The following CPNE9 variants were observed in gnomAD, a reference collection of about 807,000 sequenced individuals.
CPNE9 encodes copine family member 9.
In CPNE9, 59 loss-of-function variants were observed where a neutral mutation model predicts 83.0. The observed-to-expected ratio is 0.71, with a 90% confidence interval of 0.58 to 0.88. The LOEUF (loss-of-function observed/expected upper bound fraction) is 0.88. CPNE9 is among the 40% of genes least tolerant of loss of function. CPNE9 has a pLI of 0.00. For synonymous variants in CPNE9, 256 were observed against 273.4 expected, an observed-to-expected ratio of 0.94 and a Z score of 0.63; for missense variants, 619 against 720.8, an observed-to-expected ratio of 0.86 and a Z score of 1.62.
At position 9,704,732 on chromosome 3, in the gene CPNE9, C is replaced by T; in HGVS notation, c.110-17C>T. On this transcript the variant is annotated splice_polypyrimidine_tract_variant and intron_variant, in intron 2 of 20. Transcript: ENST00000383832. This position sits in a 1 kb window ranked among gnomAD's most constrained non-coding sequence, Gnocchi z 7.1. Reference sequence around the variant, plus strand: ...GGAGCCGACCTGACGTCCTTCCCTCCCCGCCCCCACCTGCAGTGGTGGTGC... The same window carrying T: ...GGAGCCGACCTGACGTCCTTCCCTCTCCGCCCCCACCTGCAGTGGTGGTGC... 1 of 1,612,548 alleles carries T rather than the reference C, an allele frequency of 6.2e-7. No individual in the cohort carries two copies. The highest frequency in any genetic ancestry group is 8.5e-7 in the Non-Finnish European group (1 of 1,179,656).
At chr3:9,708,857 A>G (rs1313124007) in intron 7 of CPNE9, among the ~76,000 whole-genome samples, 1 of 151,510 alleles carries the variant, frequency 6.6e-6, no homozygotes, top group Non-Finnish European at 1.5e-5. Context: ...GTTGGTCTCG[A>G]TCTCCTGACC....
chr3:9,725,560 G>A (rs1356604392), intron 17 of CPNE9, among the ~76,000 whole-genome samples: 1 of 148,476 alleles, frequency 6.7e-6, no homozygotes, highest in Non-Finnish European at 1.5e-5. Context: ...CAAAAAATGT[G>A]TGTGTATGGA....
In CPNE9 at chr3:9,709,144, C is replaced by T. The variant is rs577900390; in HGVS notation, c.377+3081C>T. Among the ~76,000 whole-genome samples the T allele has an allele frequency of 5.9e-4, 88 of 149,806 alleles. 1 individual carries two copies. In the South Asian group the frequency reaches 0.013, roughly 22 times the overall value. Reference sequence around the variant, plus strand: ...CAAAAAACTTAGCTGGGAGTGGTGGCGCACGCTTGTAATCCCAGCTACTCA... The same window carrying T: ...CAAAAAACTTAGCTGGGAGTGGTGGTGCACGCTTGTAATCCCAGCTACTCA... On this transcript the variant is annotated intron_variant, in intron 7 of 20. Transcript: ENST00000383832.
At position 9,704,739 on chromosome 3, in the gene CPNE9, C is replaced by G; in HGVS notation, c.110-10C>G. The G allele has an allele frequency of 6.2e-7, 1 of 1,612,618 alleles. No individual in the cohort carries two copies. Among genetic ancestry groups the G allele is most frequent in the Non-Finnish European group, 8.5e-7 (1 of 1,179,706 alleles). ...ACCTGACGTCCTTCCCTCCCCGCCC[C>G]CACCTGCAGTGGTGGTGCTTTACAC... On this transcript the variant is annotated splice_polypyrimidine_tract_variant and intron_variant, in intron 2 of 20. Transcript: ENST00000383832. The surrounding 1 kb of genome is among the most constrained non-coding windows in gnomAD (Gnocchi z 7.1).
At chr3:9,723,471 C>CA (rs1272974873) in intron 17 of CPNE9, among the ~76,000 whole-genome samples, 380 of 138,666 alleles carry the variant, frequency 2.7e-3, no homozygotes, top group Admixed American at 6.0e-3. Context: ...GACTCTGTCT[C>CA]AAAAAAAAAA....
chr3:9,705,088 G>T (rs1019668335), intron 4 of CPNE9, 94 bp downstream of exon 4: 13 of 920,944 alleles, frequency 1.4e-5, no homozygotes, highest in South Asian at 4.2e-5. Context: ...CCTCCGGCCT[G>T]GTTCTTCTCG....
chr3:9,715,224 A>C, intron 11 of CPNE9, 65 bp from the exon 12 acceptor site: 1 of 1,537,434 alleles, frequency 6.5e-7, no homozygotes, highest in Non-Finnish European at 9.0e-7. Context: ...GGAATAAAAG[A>C]CTGGGTTCAG....
At position 9,715,608 on chromosome 3, in the gene CPNE9, C is replaced by CAGGGCAAG. The variant is rs2076675740; in HGVS notation, c.822+84_822+91dup. 3 of 1,158,832 alleles carry CAGGGCAAG rather than the reference C, an allele frequency of 2.6e-6. No individual in the cohort carries two copies. In the Admixed American group the frequency reaches 5.1e-5, roughly 20 times the overall value. The allele number at this position is 1,158,832 out of a possible 1,614,324, so 71.8% of individuals were successfully genotyped here. A position where few individuals can be genotyped will look rare whatever the true frequency, so the allele number is the denominator to read the frequency against. On this transcript the variant is annotated intron_variant, in intron 13 of 20. Transcript: ENST00000383832. Reference sequence around the variant, plus strand: ...GACACAGCATGGCAAATATCGAGGGCAGGGCAAGACAGTGGGCACAGATTA... The same window carrying CAGGGCAAG: ...GACACAGCATGGCAAATATCGAGGGCAGGGCAAGAGGGCAAGACAGTGGGCACAGATTA...
chr3:9,704,275 T>A lies in CPNE9; in HGVS notation c.68+211T>A, dbSNP rs1040904215. The stretch of plus-strand genomic sequence containing the variant: ...CGAAAAAAGGGCTCAGCCTGCGGGT[T>A]CAGGGGGTGGGTCGCAGATATCCGG... On this transcript the variant is annotated intron_variant, in intron 1 of 20. Coordinates refer to ENST00000383832, the MANE Select transcript of CPNE9 (RefSeq NM_153635.3). This position sits in a 1 kb window ranked among gnomAD's most constrained non-coding sequence, Gnocchi z 7.1. Among the ~76,000 whole-genome samples the A allele has an allele frequency of 1.1e-4, 16 of 152,160 alleles. No individual in the cohort carries two copies. Among genetic ancestry groups the A allele is most frequent in the African/African-American group, 3.6e-4 (15 of 41,442 alleles).
At chr3:9,705,892 G>T in intron 6 of CPNE9, 95 bp from the exon 7 acceptor site, 1 of 1,439,238 alleles carries the variant, frequency 6.9e-7, no homozygotes, top group Non-Finnish European at 9.7e-7. Flanking sequence ...ATTCGCCTGG[G>T]AACTGCCCTG....
Position 9,715,465 on chromosome 3 carries a change from C to A in CPNE9, c.769-8C>A. On this transcript the variant is annotated splice_region_variant and splice_polypyrimidine_tract_variant and intron_variant, in intron 12 of 20. Transcript: ENST00000383832. Reference sequence around the variant, plus strand: ...TTTCTCATCATCACTGTTACCTCCTCCCCTTAGGTTCTTAACCCTCGGAAG... The same window carrying A: ...TTTCTCATCATCACTGTTACCTCCTACCCTTAGGTTCTTAACCCTCGGAAG... The A allele has an allele frequency of 6.2e-7, 1 of 1,613,728 alleles. No homozygotes were observed. Among genetic ancestry groups the A allele is most frequent in the African/African-American group, 1.3e-5 (1 of 75,038 alleles).
chr3:9,714,318 A>G (rs1022178594), intron 10 of CPNE9, among the ~76,000 whole-genome samples: 3 of 152,166 alleles, frequency 2.0e-5, no homozygotes, highest in South Asian at 4.1e-4. Context: ...ACTGGCAAAT[A>G]TATGGGTAAA....
intron 19 of CPNE9, 117 bp from the exon 20 acceptor site, chr3:9,726,996 C>A: frequency 9.3e-7 from 1 of 1,070,242 alleles, no homozygotes; most frequent in Non-Finnish European, 1.4e-6. Flanking sequence ...ATTTGTAGGA[C>A]TTGATCACAA....
intron 7 of CPNE9, among the ~76,000 whole-genome samples, chr3:9,707,715 T>C (rs2076578276): frequency 1.4e-5 from 2 of 147,224 alleles, no homozygotes. Context: ...AGCCCAGGAG[T>C]TTAAACTCCT....
At chr3:9,729,042 G>C (rs985825273) in intron 20 of CPNE9, among the ~76,000 whole-genome samples, 2 of 152,180 alleles carry the variant, frequency 1.3e-5, no homozygotes, top group Non-Finnish European at 1.5e-5. Context: ...GAGAGAGAAG[G>C]GACCAGGTTT....
At chr3:9,716,993 T>C in intron 14 of CPNE9, 65 bp from the exon 15 acceptor site, 1 of 1,537,352 alleles carries the variant, frequency 6.5e-7, no homozygotes, top group East Asian at 2.2e-5. Context: ...CACATTACTG[T>C]TTGAGAAATA....
rs1211443748 is a variant in CPNE9, at chr3:9,726,736, G to A, written c.1402+14G>A. ...CCATGTTTGAGGGTGAGTAGGAAGG[G>A]GTGTCCCTGAGTGGGACTAAGAACT... On this transcript the variant is annotated intron_variant, in intron 19 of 20. Transcript: ENST00000383832. 6.2e-7 allele frequency: 1 copy of A among 1,612,856 alleles called. No individual in the cohort carries two copies.
intron 7 of CPNE9, among the ~76,000 whole-genome samples, chr3:9,710,045 G>A (rs1376863800): frequency 6.6e-6 from 1 of 150,718 alleles, no homozygotes; most frequent in African/African-American, 2.4e-5. Context: ...ATACTACATT[G>A]GCCGGGCATA....
chr3:9,707,257 G>A (rs1254559718), intron 7 of CPNE9, among the ~76,000 whole-genome samples: 2 of 151,262 alleles, frequency 1.3e-5, no homozygotes, highest in African/African-American at 2.4e-5. Context: ...GGAGGCTGAG[G>A]GAGGAGAATG....
Sources: allele counts gnomAD v4.1 joint callset (sites outside exome capture counted in the v4.1 genomes callset), GRCh38; gene constraint gnomAD v4.1.1; non-coding constraint Gnocchi (gnomAD v3.1); transcripts MANE v1.5; gene names NCBI Gene and HGNC (gene_info 2026-07-23, HGNC 2026-07-21).